The following HS6ST3 variants were observed in gnomAD, a reference collection of about 807,000 sequenced individuals.
The protein encoded by HS6ST3 is heparan-sulfate 6-O-sulfotransferase 3.
In HS6ST3, 12 loss-of-function variants were observed where a neutral mutation model predicts 36.7. The ratio of observed to expected loss-of-function variants is 0.33; its 90% CI spans 0.21 to 0.53. The LOEUF is 0.53. Among genes scored for constraint, HS6ST3 ranks in the 20% least tolerant of loss-of-function variants. HS6ST3 has a pLI of 0.95. For missense variants in HS6ST3, 584 were observed against 640.9 expected, an observed-to-expected ratio of 0.91 and a Z score of 0.96; for synonymous variants, 240 against 257.5, an observed-to-expected ratio of 0.93 and a Z score of 0.65.
chr13:96,332,137 G>A (rs889361665), intron 1 of HS6ST3, among the ~76,000 whole-genome samples: 1 of 152,160 alleles, frequency 6.6e-6, no homozygotes, highest in Non-Finnish European at 1.5e-5. Flanking sequence ...GAAATCACCT[G>A]TCTTCTGTGT....
intron 1 of HS6ST3, among the ~76,000 whole-genome samples, chr13:96,131,757 T>A (rs1007733470): frequency 2.0e-5 from 3 of 151,584 alleles, no homozygotes; most frequent in Non-Finnish European, 2.9e-5. Flanking sequence ...TTTTTTTTTT[T>A]AATCACATAT....
At position 96,837,537 on chromosome 13, in the gene HS6ST3, G is replaced by A. The variant is rs1418468120; in HGVS notation, c.*4339G>A. 6.6e-6 allele frequency: 1 copy of A among 152,228 alleles called. No homozygotes were observed. Among genetic ancestry groups the A allele is most frequent in the African/African-American group, 2.4e-5 (1 of 41,452 alleles). The allele number at this position is 152,228 out of a possible 1,614,324, so 9.4% of individuals were successfully genotyped here. On this transcript the variant is annotated 3_prime_UTR_variant, in exon 2 of 2. Transcript: ENST00000376705. ...TCAGTACTGGGATTGGGAACTGCAAGAATATGAAATGTAAATCTTTATTGA... is the reference window on the plus strand; with the variant it reads ...TCAGTACTGGGATTGGGAACTGCAAAAATATGAAATGTAAATCTTTATTGA...
Position 96,357,875 on chromosome 13 carries a change from G to A in HS6ST3, c.707+266306G>A, listed in dbSNP as rs1428474560. 2.6e-5 allele frequency among the ~76,000 whole-genome samples: 4 copies of A among 152,076 alleles called. No homozygotes were observed. In the East Asian group the frequency reaches 7.7e-4, roughly 29 times the overall value. ...GTGGTGAGCCAAAACAATTACAATAGTAACAGCAAAGATAGTATCACAGAT... is the reference window on the plus strand; with the variant it reads ...GTGGTGAGCCAAAACAATTACAATAATAACAGCAAAGATAGTATCACAGAT... On this transcript the variant is annotated intron_variant, in intron 1 of 1. Transcript: ENST00000376705.
intron 1 of HS6ST3, among the ~76,000 whole-genome samples, chr13:96,294,223 A>G (rs191133003): frequency 8.4e-4 from 128 of 152,276 alleles, no homozygotes; most frequent in African/African-American, 3.0e-3. Flanking sequence ...GGAAACCGAT[A>G]TTATGGTCAC....
intron 1 of HS6ST3, among the ~76,000 whole-genome samples, chr13:96,233,430 C>A (rs1042757541): frequency 2.0e-5 from 3 of 151,992 alleles, no homozygotes; most frequent in African/African-American, 7.2e-5. Context: ...GTGGAAAATG[C>A]GGTTTTGAAC....
At chr13:96,638,825 C>T (rs1269694632) in intron 1 of HS6ST3, among the ~76,000 whole-genome samples, 1 of 151,470 alleles carries the variant, frequency 6.6e-6, no homozygotes, top group East Asian at 1.9e-4. Flanking sequence ...GGATAATCAT[C>T]CTATGTAATC....
intron 1 of HS6ST3, among the ~76,000 whole-genome samples, chr13:96,555,893 C>T (rs1233782170): frequency 3.9e-5 from 6 of 152,124 alleles, no homozygotes; most frequent in South Asian, 4.1e-4. Flanking sequence ...TGAAAATCTT[C>T]GCAGATGTCA....
rs377039649 is a variant in HS6ST3, at chr13:96,487,241, A to T, written c.708-345249A>T. On this transcript the variant is annotated intron_variant, in intron 1 of 1. Transcript: ENST00000376705. ...TGCGATGATTATAAATGTGAAAAAA[A>T]ATAAGAAAACTCTAATAGTGCAATG... Among the ~76,000 whole-genome samples, 5 of 152,246 alleles carry T rather than the reference A, an allele frequency of 3.3e-5. No homozygotes were observed. In the East Asian group the frequency reaches 7.7e-4, roughly 24 times the overall value.
In HS6ST3 at chr13:96,658,268, C is replaced by CTTCTTTTTTTTTTTTTTTTTTTTTT. The variant is rs1566422902; in HGVS notation, c.708-174220_708-174219insCTTTTTTTTTTTTTTTTTTTTTTTT. On this transcript the variant is annotated intron_variant, in intron 1 of 1. Transcript: ENST00000376705. ...TTCTTCTTCTTCTTCTCTTCTTCTT[C>CTTCTTTTTTTTTTTTTTTTTTTTTT]TTTTTTTTTTTTTTTTTTTTTTTTT... 9.6e-4 allele frequency among the ~76,000 whole-genome samples: 73 copies of CTTCTTTTTTTTTTTTTTTTTTTTTT among 76,142 alleles called. 4 individuals are homozygous for CTTCTTTTTTTTTTTTTTTTTTTTTT. Among genetic ancestry groups the CTTCTTTTTTTTTTTTTTTTTTTTTT allele is most frequent in the Non-Finnish European group, 1.3e-3 (54 of 41,028 alleles). 50.0% of individuals were successfully genotyped at this position (76,142 alleles called of 152,430 possible).
intron 1 of HS6ST3, among the ~76,000 whole-genome samples, chr13:96,234,427 A>G (rs2054524269): frequency 1.3e-5 from 2 of 152,128 alleles, no homozygotes; most frequent in Admixed American, 1.3e-4. Context: ...AACAAAATGT[A>G]TTAGTCTGTT....
intron 1 of HS6ST3, among the ~76,000 whole-genome samples, chr13:96,412,788 A>G (rs769033520): frequency 5.3e-5 from 8 of 151,696 alleles, no homozygotes; most frequent in Non-Finnish European, 1.2e-4. Flanking sequence ...AAATAAATTC[A>G]ATTAAAACCC....
At chr13:96,175,257 T>A (rs1232122703) in intron 1 of HS6ST3, among the ~76,000 whole-genome samples, 1 of 152,194 alleles carries the variant, frequency 6.6e-6, no homozygotes, top group Non-Finnish European at 1.5e-5. Context: ...TGAGTGGAAA[T>A]GCAGAGGCTT....
intron 1 of HS6ST3, among the ~76,000 whole-genome samples, chr13:96,729,582 A>G (rs781148749): frequency 2.6e-5 from 4 of 151,632 alleles, no homozygotes; most frequent in Non-Finnish European, 5.9e-5. Context: ...TCAGCCTCCC[A>G]AGTACCTGGG....
chr13:96,138,931 G>T (rs1211076026), intron 1 of HS6ST3, among the ~76,000 whole-genome samples: 1 of 152,050 alleles, frequency 6.6e-6, no homozygotes, highest in African/African-American at 2.4e-5. Flanking sequence ...GGGTATGCAT[G>T]ATTATGGGTG....
At position 96,567,609 on chromosome 13, in the gene HS6ST3, A is replaced by G. The variant is rs72642770; in HGVS notation, c.708-264881A>G. Among the ~76,000 whole-genome samples, 771 of 152,316 alleles carry G rather than the reference A, an allele frequency of 5.1e-3. 7 individuals are homozygous for G. Among genetic ancestry groups the G allele is most frequent in the Middle Eastern group, 0.014 (4 of 294 alleles). ...AAAGAACTGTCATCTTAAGACACAA[A>G]AACACAAATCATTAGGGGAAAGCTT... On this transcript the variant is annotated intron_variant, in intron 1 of 1. Transcript: ENST00000376705.
intron 1 of HS6ST3, among the ~76,000 whole-genome samples, chr13:96,370,238 G>A (rs2055283070): frequency 6.6e-6 from 1 of 151,964 alleles, no homozygotes; most frequent in African/African-American, 2.4e-5. Flanking sequence ...ATACAGCTAG[G>A]GTGGAAAACT....
intron 1 of HS6ST3, among the ~76,000 whole-genome samples, chr13:96,501,886 G>T (rs947432781): frequency 6.6e-6 from 1 of 152,208 alleles, no homozygotes; most frequent in Admixed American, 6.5e-5. Context: ...TTGTTAGCTA[G>T]CATACAATTG....
chr13:96,262,184 ACT>A (rs2054669699), intron 1 of HS6ST3, among the ~76,000 whole-genome samples: 1 of 152,188 alleles, frequency 6.6e-6, no homozygotes, highest in Non-Finnish European at 1.5e-5. Flanking sequence ...GGGCCATTTA[ACT>A]CTCTGACTCT....
At chr13:96,567,934 C>T (rs1048704501) in intron 1 of HS6ST3, among the ~76,000 whole-genome samples, 1 of 152,146 alleles carries the variant, frequency 6.6e-6, no homozygotes, top group Non-Finnish European at 1.5e-5. Context: ...GATGCCATTT[C>T]TCACCCACCA....
Sources: allele counts gnomAD v4.1 joint callset (sites outside exome capture counted in the v4.1 genomes callset), GRCh38; gene constraint gnomAD v4.1.1; transcripts MANE v1.5; gene names NCBI Gene and HGNC (gene_info 2026-07-23, HGNC 2026-07-21).